NECTIN2: variants seen among roughly 807,000 people sequenced by gnomAD.
NECTIN2 encodes the protein nectin cell adhesion molecule 2.
Under a neutral mutation model 56.9 loss-of-function variants are expected in NECTIN2, and 23 were observed. The ratio of observed to expected loss-of-function variants is 0.40; its 90% confidence interval spans 0.29 to 0.57. NECTIN2 has a LOEUF of 0.57. Among genes scored for constraint, NECTIN2 ranks in the 20% least tolerant of loss-of-function variants. The probability of loss-of-function intolerance (pLI) is 0.38; values close to 1 mark genes in which losing one functional copy is unlikely to be tolerated. For synonymous variants in NECTIN2, 302 were observed against 313.8 expected, an observed-to-expected ratio of 0.96 and a Z score of 0.40; for missense variants, 587 against 718.3, an observed-to-expected ratio of 0.82 and a Z score of 2.09.
chr19:44,865,557 G>A lies in NECTIN2; in HGVS notation c.375G>A (p.Leu125=). ...DTEAELQDAT[L]ALHGLTVEDE... ...AGGCAGAGCTCCAGGACGCCACGCT[G>A]GCCCTCCACGGGCTCACGGTGGAGG... Residue 125 remains leucine, a synonymous_variant, in exon 2 of 9, where the codon CTG becomes CTA. Coordinates refer to ENST00000252483, the MANE Select transcript of NECTIN2 (RefSeq NM_001042724.2). This position sits in a 1 kb window ranked among gnomAD's most constrained non-coding sequence, Gnocchi z 5.2. The A allele has an allele frequency of 6.4e-7, 1 of 1,560,962 alleles. No homozygotes were observed. The highest frequency in any genetic ancestry group is 8.7e-7 in the Non-Finnish European group (1 of 1,154,684).
intron 5 of NECTIN2, chr19:44,878,315 T>C (rs1599924752): frequency 2.7e-6 from 4 of 1,491,444 alleles, no homozygotes; most frequent in Admixed American, 2.0e-5. Context: ...GGCTGGGGGG[T>C]CCTTGGCCTT....
At chr19:44,857,575 T>C (rs1160649420) in intron 1 of NECTIN2, among the ~76,000 whole-genome samples, 1 of 152,070 alleles carries the variant, frequency 6.6e-6, no homozygotes, top group Non-Finnish European at 1.5e-5. Context: ...GTAATGTTTA[T>C]TTTTTTAGTA....
chr19:44,878,468 C>T, intron 5 of NECTIN2: 2 of 1,611,190 alleles, frequency 1.2e-6, no homozygotes, highest in East Asian at 2.2e-5. Context: ...AGTCCCTGGT[C>T]CCATGGAACC....
chr19:44,886,956 C>T (rs570197885), intron 8 of NECTIN2, among the ~76,000 whole-genome samples: 2 of 151,396 alleles, frequency 1.3e-5, no homozygotes, highest in Admixed American at 6.6e-5. Flanking sequence ...TGCTTAAGCC[C>T]AGGTGGTTGG....
chr19:44,860,831 C>G (rs781517555), intron 1 of NECTIN2, among the ~76,000 whole-genome samples: 2 of 151,670 alleles, frequency 1.3e-5, no homozygotes, highest in Non-Finnish European at 2.9e-5. Flanking sequence ...CCTCAAGTGG[C>G]CCACCCACCT....
chr19:44,869,359 G>A (rs949329453), intron 2 of NECTIN2, among the ~76,000 whole-genome samples: 3 of 151,996 alleles, frequency 2.0e-5, no homozygotes, highest in Admixed American at 6.6e-5. Flanking sequence ...TTGGGAGGCC[G>A]AGGCAGGCGG....
intron 8 of NECTIN2, 109 bp from the exon 9 acceptor site, chr19:44,888,001 T>A: frequency 1.6e-6 from 2 of 1,214,130 alleles, no homozygotes; most frequent in Non-Finnish European, 2.3e-6. Flanking sequence ...AGGTGGCATC[T>A]TGTTGGCATG....
chr19:44,878,081 T>C, intron 5 of NECTIN2: 1 of 535,548 alleles, frequency 1.9e-6, no homozygotes, highest in Non-Finnish European at 3.3e-6. Flanking sequence ...CTGCCCAGAG[T>C]CACCCCCTCA....
In NECTIN2 at chr19:44,846,465, T is replaced by G. The variant is rs1968834459; in HGVS notation, c.-61T>G. ...GGCACCTACTAAACCGCCCAGCCGA[T>G]CGGCCCCCACAGAGTGGCCCGCGGG... On this transcript the variant is annotated 5_prime_UTR_variant, in exon 1 of 9. Coordinates refer to ENST00000252483, the MANE Select transcript of NECTIN2 (RefSeq NM_001042724.2). The G allele has an allele frequency of 7.2e-7, 1 of 1,396,272 alleles. No homozygotes were observed. Among genetic ancestry groups the G allele is most frequent in the African/African-American group, 1.5e-5 (1 of 65,052 alleles). 86.5% of individuals were successfully genotyped at this position (1,396,272 alleles called of 1,614,324 possible).
At chr19:44,857,967 G>A (rs440277) in intron 1 of NECTIN2, among the ~76,000 whole-genome samples, 44,367 of 152,106 alleles carry the variant, frequency 0.29, 6,868 homozygotes, top group Non-Finnish European at 0.33. Flanking sequence ...AGAAGGTATT[G>A]ATTGGCTATG....
intron 6 of NECTIN2, among the ~76,000 whole-genome samples, chr19:44,883,218 G>A (rs1222413322): frequency 1.3e-5 from 2 of 151,350 alleles, no homozygotes; most frequent in Non-Finnish European, 3.0e-5. Flanking sequence ...GAGTAACACT[G>A]GTCAGGCAGG....
chr19:44,879,590 G>A (rs1231391791), intron 5 of NECTIN2, among the ~76,000 whole-genome samples: 2 of 152,078 alleles, frequency 1.3e-5, no homozygotes, highest in African/African-American at 2.4e-5. Context: ...CCTGGGAGTG[G>A]CGGCAGCTCC....
chr19:44,878,351 AG>A, intron 5 of NECTIN2: 1 of 1,550,438 alleles, frequency 6.4e-7, no homozygotes, highest in Non-Finnish European at 8.7e-7. Context: ...GAGGAGGAGG[AG>A]GAAGAGCCCT....
chr19:44,873,881 C>T (rs1356847890), intron 3 of NECTIN2, 35 bp from the exon 4 acceptor site: 5 of 1,511,862 alleles, frequency 3.3e-6, no homozygotes, highest in Non-Finnish European at 4.6e-6. Flanking sequence ...CTGGGATTCT[C>T]CTCCTTGCTG....
chr19:44,863,148 C>T (rs1485526604), intron 1 of NECTIN2, among the ~76,000 whole-genome samples: 2 of 151,522 alleles, frequency 1.3e-5, no homozygotes, highest in East Asian at 2.0e-4. Context: ...GGCAACAGTG[C>T]GAGAGTCTGT....
At chr19:44,852,936 T>C (rs546689525) in intron 1 of NECTIN2, among the ~76,000 whole-genome samples, 35 of 152,148 alleles carry the variant, frequency 2.3e-4, no homozygotes, top group Middle Eastern at 3.4e-3. Context: ...GTGAGACCCC[T>C]TCTCTACAAA....
intron 1 of NECTIN2, among the ~76,000 whole-genome samples, chr19:44,858,576 G>A (rs1051972642): frequency 3.9e-5 from 6 of 151,972 alleles, no homozygotes; most frequent in African/African-American, 9.7e-5. Context: ...CATCCGCCTC[G>A]GCCTCCCAAA....
At chr19:44,868,765 TAGCC>T (rs1969134516) in intron 2 of NECTIN2, among the ~76,000 whole-genome samples, 1 of 151,692 alleles carries the variant, frequency 6.6e-6, no homozygotes, top group Non-Finnish European at 1.5e-5. Context: ...TACAAGAAAT[TAGCC>T]AGGCGTGGTG....
Position 44,865,537 on chromosome 19 carries a change from G to A in NECTIN2, c.355G>A (p.Glu119Lys). The A allele has an allele frequency of 6.3e-7, 1 of 1,580,714 alleles. No homozygotes were observed. Among genetic ancestry groups the A allele is most frequent in the Non-Finnish European group, 8.6e-7 (1 of 1,164,368 alleles). ...GAGCACTGGGCAAGACACAGAGGCA[G>A]AGCTCCAGGACGCCACGCTGGCCCT... ...KQSTGQDTEA[E>K]LQDATLALHG... is the part of the protein sequence containing the mutation. Residue 119 changes from glutamate (E) to lysine (K), a missense_variant, in exon 2 of 9, where the codon GAG becomes AAG. Glu to Lys is a moderately conservative substitution (Grantham distance 56). Coordinates refer to ENST00000252483, the MANE Select transcript of NECTIN2 (RefSeq NM_001042724.2). This position sits in a 1 kb window ranked among gnomAD's most constrained non-coding sequence, Gnocchi z 5.2.
Sources: allele counts gnomAD v4.1 joint callset (sites outside exome capture counted in the v4.1 genomes callset), GRCh38; gene constraint gnomAD v4.1.1; non-coding constraint Gnocchi (gnomAD v3.1); transcripts MANE v1.5; gene names NCBI Gene and HGNC (gene_info 2026-07-23, HGNC 2026-07-21).